The following VRK3 variants were observed in gnomAD, a reference collection of about 807,000 sequenced individuals.
VRK3 encodes the protein VRK serine/threonine kinase 3.
A neutral mutation model predicts 60.4 loss-of-function variants in VRK3; 50 were observed. The observed-to-expected ratio is 0.83, with a 90% CI of 0.66 to 1.05. The LOEUF (loss-of-function observed/expected upper bound fraction) is 1.05, where lower values mean the gene tolerates loss of function less well. Ranked by LOEUF, VRK3 falls within the 50% of genes least tolerant of loss-of-function variation. The pLI, the probability that VRK3 is intolerant of heterozygous loss-of-function variation, is 0.00. For missense variants in VRK3, 549 were observed against 585.3 expected, an observed-to-expected ratio of 0.94 and a Z score of 0.64; for synonymous variants, 246 against 227.8, an observed-to-expected ratio of 1.08 and a Z score of -0.72.
intron 3 of VRK3, among the ~76,000 whole-genome samples, chr19:50,015,314 AT>A (rs562454660): frequency 8.4e-4 from 121 of 144,430 alleles, no homozygotes; most frequent in Non-Finnish European, 7.1e-4. Flanking sequence ...TGGATTTCAG[AT>A]TTTTTTTTTT....
chr19:49,994,850 C>T lies in VRK3; in HGVS notation c.834G>A (p.Leu278=). The T allele has an allele frequency of 1.2e-6, 2 of 1,614,178 alleles. No homozygotes were observed. The highest frequency in any genetic ancestry group is 1.6e-4 in the Middle Eastern group (1 of 6,062). ...SALDVSPKHV[L]SERSVLQVAC... ...CCACCTGCAGCACAGACCTCTCTGA[C>T]AGCACATGCTTTGGGCTGACATCCA... is the stretch of plus-strand genomic sequence containing the variant. The change falls in exon 9 of 15, where the codon CTG becomes CTA. Residue 278 remains leucine (L), a synonymous_variant. Coordinates refer to ENST00000316763, the MANE Select transcript of VRK3 (RefSeq NM_016440.4).
At chr19:49,981,160 G>T in intron 12 of VRK3, 147 bp from the exon 13 acceptor site, 1 of 746,050 alleles carries the variant, frequency 1.3e-6, no homozygotes, top group Non-Finnish European at 2.3e-6. Flanking sequence ...AAGTCACTGT[G>T]AACACTGAAT....
chr19:49,987,195 G>A (rs987602158), intron 12 of VRK3, among the ~76,000 whole-genome samples: 1 of 152,166 alleles, frequency 6.6e-6, no homozygotes, highest in African/African-American at 2.4e-5. Context: ...ATTCATGTCT[G>A]AAGTGCATGC....
At chr19:50,001,970 C>A (rs1204369792) in intron 5 of VRK3, among the ~76,000 whole-genome samples, 2 of 152,102 alleles carry the variant, frequency 1.3e-5, no homozygotes, top group Non-Finnish European at 2.9e-5. Context: ...ACCCACTCAG[C>A]CCAGAGCCCA....
chr19:50,001,973 AG>A (rs1446652638), intron 5 of VRK3, among the ~76,000 whole-genome samples: 1 of 152,146 alleles, frequency 6.6e-6, no homozygotes, highest in Non-Finnish European at 1.5e-5. Context: ...CACTCAGCCC[AG>A]AGCCCAGCAC....
At chr19:50,006,334 T>TA (rs200847021) in intron 5 of VRK3, among the ~76,000 whole-genome samples, 7,637 of 150,820 alleles carry the variant, frequency 0.051, 635 homozygotes, top group African/African-American at 0.18. Context: ...TAATAAATAA[T>TA]AATAATAAAA....
chr19:49,991,906 T>C (rs1008607050), intron 10 of VRK3, among the ~76,000 whole-genome samples: 8 of 152,364 alleles, frequency 5.3e-5, no homozygotes, highest in Middle Eastern at 3.4e-3. Flanking sequence ...GCTTAAGGCA[T>C]GTAAAGTTGG....
chr19:50,024,676 C>T (rs1228512195), intron 1 of VRK3, among the ~76,000 whole-genome samples: 3 of 152,150 alleles, frequency 2.0e-5, no homozygotes, highest in African/African-American at 4.8e-5. Context: ...ATCGGTTGCA[C>T]GGAGCCTTCC....
chr19:50,019,802 T>C (rs1568820317), intron 2 of VRK3, among the ~76,000 whole-genome samples: 1 of 146,018 alleles, frequency 6.8e-6, no homozygotes, highest in Non-Finnish European at 1.5e-5. Flanking sequence ...CTTCCCAAAG[T>C]GCTGGGATTA....
intron 5 of VRK3, among the ~76,000 whole-genome samples, chr19:50,005,340 T>C (rs2076874447): frequency 6.7e-6 from 1 of 149,106 alleles, no homozygotes. Context: ...GGCTCAAAAT[T>C]GTCTACGTGC....
rs1268785801 is a variant in VRK3, at chr19:49,976,509, G to T, written c.*287C>A. On this transcript the variant is annotated 3_prime_UTR_variant, in exon 15 of 15. Coordinates refer to ENST00000316763, the MANE Select transcript of VRK3 (RefSeq NM_016440.4). ...ATTACCAAAGCACAGAGGTGTCAAG[G>T]GTAGGAGGGGTCCCCCCTGTGGGCC... The T allele has an allele frequency of 2.0e-5, 3 of 152,656 alleles. No individual in the cohort carries two copies. The highest frequency in any genetic ancestry group is 4.4e-5 in the Non-Finnish European group (3 of 68,050). The allele number at this position is 152,656 out of a possible 1,614,324, so 9.5% of individuals were successfully genotyped here.
chr19:49,988,136 A>G lies in VRK3; in HGVS notation c.1217+236T>C. ...TGGAGCAGGACACTGAGGCTCGCAG[A>G]CGTTAACACCCCACAGTGGTGGTGC... On this transcript the variant is annotated intron_variant, in intron 12 of 14. Transcript: ENST00000316763. 1.7e-5 allele frequency: 7 copies of G among 415,194 alleles called. No individual in the cohort carries two copies. The South Asian group carries it at 1.9e-4, about 11-fold the overall frequency. The allele number at this position is 415,194 out of a possible 1,614,324, so 25.7% of individuals were successfully genotyped here.
intron 5 of VRK3, among the ~76,000 whole-genome samples, chr19:50,003,798 G>C (rs1242341100): frequency 6.6e-6 from 1 of 152,246 alleles, no homozygotes; most frequent in Non-Finnish European, 1.5e-5. Flanking sequence ...ATGGTGGTGT[G>C]TCCCCAAATG....
At chr19:50,008,904 T>C (rs1450239047) in intron 4 of VRK3, 4 of 226,920 alleles carry the variant, frequency 1.8e-5, no homozygotes, top group Non-Finnish European at 3.5e-5. Context: ...TCCCCAAAAG[T>C]GTTTTCTGGG....
chr19:50,020,729 G>A (rs958191066), intron 1 of VRK3, 82 bp from the exon 2 acceptor site: 5 of 152,186 alleles, frequency 3.3e-5, no homozygotes, highest in African/African-American at 1.2e-4. Flanking sequence ...ACTGAGCACT[G>A]GCCATGTCAC....
intron 2 of VRK3, among the ~76,000 whole-genome samples, chr19:50,016,489 T>C (rs533022473): frequency 2.0e-5 from 3 of 152,202 alleles, no homozygotes; most frequent in Non-Finnish European, 4.4e-5. Flanking sequence ...TGCCTCCCCC[T>C]CCACCTGCAG....
At chr19:50,019,777 A>G (rs2077141371) in intron 2 of VRK3, among the ~76,000 whole-genome samples, 1 of 140,316 alleles carries the variant, frequency 7.1e-6, no homozygotes, top group African/African-American at 2.6e-5. Context: ...CTCAAGCTCA[A>G]TCTTCCTGCC....
chr19:50,007,895 AG>A, intron 4 of VRK3, 69 bp from the exon 5 acceptor site: 1 of 1,594,794 alleles, frequency 6.3e-7, no homozygotes, highest in Non-Finnish European at 8.6e-7. Flanking sequence ...GGAGTGAAAC[AG>A]CACGCAAAAT....
At chr19:50,025,187 T>C (rs1391734318) in intron 1 of VRK3, 80 bp downstream of exon 1, 2 of 152,342 alleles carry the variant, frequency 1.3e-5, no homozygotes, top group African/African-American at 2.4e-5. Flanking sequence ...CAAACGGTCG[T>C]GCTGACGTCA....
Sources: allele counts gnomAD v4.1 joint callset (sites outside exome capture counted in the v4.1 genomes callset), GRCh38; gene constraint gnomAD v4.1.1; transcripts MANE v1.5; gene names NCBI Gene and HGNC (gene_info 2026-07-23, HGNC 2026-07-21).